The following CRTC1 variants were observed in gnomAD, a reference collection of about 807,000 sequenced individuals.
CRTC1 encodes CREB-regulated transcription coactivator 1.
In CRTC1, 18 loss-of-function variants were observed where a neutral mutation model predicts 66.1. The observed-to-expected ratio is 0.27, with a 90% confidence interval of 0.19 to 0.40. The LOEUF (loss-of-function observed/expected upper bound fraction) is 0.40, where lower values mean the gene tolerates loss of function less well. CRTC1 is among the 10% of genes least tolerant of loss of function. The pLI is 1.00. For missense variants in CRTC1, 669 were observed against 887.9 expected (o/e 0.75, Z 3.13); for synonymous variants, 416 against 398.8 (o/e 1.04, Z -0.51).
rs763396591 is a variant in CRTC1 at position 18,683,729 on chromosome 19, A to G, written c.27A>G (p.Lys9=). The G allele has an allele frequency of 2.1e-6, 3 of 1,397,168 alleles. No individual in the cohort carries two copies. In the East Asian group the frequency reaches 1.0e-4, roughly 47 times the overall value. 86.5% of individuals were successfully genotyped at this position (1,397,168 alleles called of 1,614,324 possible). A position where few individuals can be genotyped will look rare whatever the true frequency, so the allele number is the denominator to read the frequency against. Residue 9 remains lysine, a synonymous_variant, in exon 1 of 14, where the codon AAA becomes AAG. Coordinates refer to ENST00000321949, the MANE Select transcript of CRTC1 (RefSeq NM_015321.3). Reference sequence around the variant, plus strand: ...TGGCGACTTCGAACAATCCGCGGAAATTCAGCGAGAAGATCGCGCTGCACA... The same window carrying G: ...TGGCGACTTCGAACAATCCGCGGAAGTTCAGCGAGAAGATCGCGCTGCACA... MATSNNPR[K]FSEKIALHNQ...
rs548011092 is a variant in CRTC1, at chr19:18,760,547, C to T, written c.886+319C>T. Among the ~76,000 whole-genome samples the T allele has an allele frequency of 1.6e-4, 25 of 152,088 alleles. No homozygotes were observed. Among genetic ancestry groups the T allele is most frequent in the South Asian group, 2.1e-4 (1 of 4,820 alleles). On this transcript the variant is annotated intron_variant, in intron 8 of 13. Transcript: ENST00000321949. The surrounding 1 kb of genome is among the most constrained non-coding windows in gnomAD (Gnocchi z 6.2). ...GCTGGGGTGGGCCAGGCCTTCCCTC[C>T]GCCCCTCCTCGACCCCAGCCCCTCA... is the stretch of plus-strand genomic sequence containing the variant.
chr19:18,745,627 C>T (rs1462963709), intron 2 of CRTC1, among the ~76,000 whole-genome samples, 196 bp from the exon 3 acceptor site: 1 of 152,188 alleles, frequency 6.6e-6, no homozygotes, highest in South Asian at 2.1e-4. Context: ...CTCACACCCC[C>T]TCCCTACCCC....
In CRTC1 at chr19:18,771,228, C is replaced by T. The variant is rs763934389; in HGVS notation, c.1321-214C>T. On this transcript the variant is annotated intron_variant, in intron 10 of 13. Coordinates refer to ENST00000321949, the MANE Select transcript of CRTC1 (RefSeq NM_015321.3). The surrounding 1 kb of genome is among the most constrained non-coding windows in gnomAD (Gnocchi z 4.6). ...TATTCACCCTCCACGCCGTTCCTTC[C>T]TGGGTTCGGGGGCAGCTCCCCGGAG... Among the ~76,000 whole-genome samples, 5 of 112,798 alleles carry T rather than the reference C, an allele frequency of 4.4e-5. No homozygotes were observed. The highest frequency in any genetic ancestry group is 7.2e-5 in the Non-Finnish European group (4 of 55,440). The allele number at this position is 112,798 out of a possible 152,430, so 74.0% of individuals were successfully genotyped here. A position where few individuals can be genotyped will look rare whatever the true frequency, so the allele number is the denominator to read the frequency against.
intron 1 of CRTC1, among the ~76,000 whole-genome samples, chr19:18,733,374 A>G (rs918979260): frequency 2.0e-5 from 3 of 152,238 alleles, no homozygotes; most frequent in African/African-American, 4.8e-5. Context: ...GCCGCCACCT[A>G]CAAGAGAAAC....
chr19:18,747,185 A>C, intron 4 of CRTC1, 71 bp downstream of exon 4: 2 of 1,102,550 alleles, frequency 1.8e-6, no homozygotes, highest in Non-Finnish European at 1.3e-6. Context: ...TCATGGTTAC[A>C]TGTGGAAAAG....
intron 1 of CRTC1, among the ~76,000 whole-genome samples, chr19:18,684,656 G>A (rs2052645094): frequency 6.6e-6 from 1 of 152,118 alleles, no homozygotes; most frequent in South Asian, 2.1e-4. Flanking sequence ...TGGAACAGGG[G>A]ATGCTGACCA....
At chr19:18,693,498 T>TTTTTTTTTTTTTTTTTTC (rs1158706725) in intron 1 of CRTC1, among the ~76,000 whole-genome samples, 1 of 151,274 alleles carries the variant, frequency 6.6e-6, no homozygotes, top group Non-Finnish European at 1.5e-5. Context: ...TTTTTTTTTT[T>TTTTTTTTTTTTTTTTTTC]TGAAACAGAG....
intron 4 of CRTC1, among the ~76,000 whole-genome samples, chr19:18,747,328 C>CA (rs199625555): frequency 0.017 from 2,581 of 150,870 alleles, 45 homozygotes; most frequent in East Asian, 0.047. Context: ...CCACTTATGA[C>CA]AAAAAAAAAG....
At chr19:18,725,608 G>A (rs777276037) in intron 1 of CRTC1, among the ~76,000 whole-genome samples, 1 of 152,216 alleles carries the variant, frequency 6.6e-6, no homozygotes, top group Non-Finnish European at 1.5e-5. Context: ...GGCTGGACCT[G>A]GCTTGGCCAC....
chr19:18,705,524 C>T (rs550136420), intron 1 of CRTC1, among the ~76,000 whole-genome samples: 11 of 152,144 alleles, frequency 7.2e-5, no homozygotes, highest in East Asian at 5.8e-4. Flanking sequence ...TCACCATGTT[C>T]GCCAGGCTGG....
chr19:18,700,511 TA>T (rs970019630), intron 1 of CRTC1, among the ~76,000 whole-genome samples: 1 of 151,478 alleles, frequency 6.6e-6, no homozygotes, highest in Non-Finnish European at 1.5e-5. Flanking sequence ...TTTTTTTAAA[TA>T]AAAAAAATGA....
chr19:18,739,154 C>T (rs955595718), intron 1 of CRTC1, among the ~76,000 whole-genome samples: 6 of 152,236 alleles, frequency 3.9e-5, no homozygotes, highest in African/African-American at 9.6e-5. Flanking sequence ...TCCTACCGGA[C>T]GCCTTCTCCA....
At chr19:18,697,671 C>T (rs28379803) in intron 1 of CRTC1, among the ~76,000 whole-genome samples, 4,672 of 152,276 alleles carry the variant, frequency 0.031, 255 homozygotes, top group African/African-American at 0.11. Flanking sequence ...TGGTCTCTGC[C>T]TCATTGGATC....
At chr19:18,688,807 T>C (rs1057104124) in intron 1 of CRTC1, among the ~76,000 whole-genome samples, 4 of 152,092 alleles carry the variant, frequency 2.6e-5, no homozygotes, top group African/African-American at 7.2e-5. Context: ...TGGCTTTTAG[T>C]ATATTCACAT....
chr19:18,686,301 C>G (rs908563719), intron 1 of CRTC1, among the ~76,000 whole-genome samples: 1 of 152,156 alleles, frequency 6.6e-6, no homozygotes, highest in South Asian at 2.1e-4. Flanking sequence ...AAGTAATATT[C>G]CGTTGTATGG....
rs550046021 is a variant in CRTC1 at position 18,753,255 on chromosome 19, G to A, written c.539-245G>A. On this transcript the variant is annotated intron_variant, in intron 5 of 13. Transcript: ENST00000321949. The stretch of plus-strand genomic sequence containing the variant: ...TGTGCCACTGCACTCCAGCCTGGGC[G>A]ACAGAGCGAGACTCCGTCTCTAAAT... Among the ~76,000 whole-genome samples the A allele has an allele frequency of 3.3e-5, 5 of 150,898 alleles. No individual in the cohort carries two copies. The East Asian group carries it at 6.1e-4, about 18-fold the overall frequency.
rs757507816 is a variant in CRTC1, at chr19:18,768,630, C to T, written c.1157C>T (p.Pro386Leu). Reference sequence around the variant, plus strand: ...CAGCAGCCACCACCCCCGCCACCCCCACAGGCGCCCGTCCGCCTGCCCCCT... The same window carrying T: ...CAGCAGCCACCACCCCCGCCACCCCTACAGGCGCCCGTCCGCCTGCCCCCT... The part of the protein sequence containing the change: ...ASQQPPPPPP[P>L]QAPVRLPPGG... The change falls in exon 10 of 14, where the codon CCA becomes CTA. Residue 386 changes from proline (P) to leucine (L), a missense_variant. By Grantham distance (98) the Pro-to-Leu change is moderately conservative. Coordinates refer to ENST00000321949, the MANE Select transcript of CRTC1 (RefSeq NM_015321.3). The surrounding 1 kb of genome is among the most constrained non-coding windows in gnomAD (Gnocchi z 5.6). The T allele has an allele frequency of 6.6e-7, 1 of 1,514,098 alleles. No homozygotes were observed. The highest frequency in any genetic ancestry group is 2.5e-5 in the East Asian group (1 of 40,494). The allele number at this position is 1,514,098 out of a possible 1,614,324, so 93.8% of individuals were successfully genotyped here. A position where few individuals can be genotyped will look rare whatever the true frequency, so the allele number is the denominator to read the frequency against.
rs2055041027 is a variant in CRTC1 at position 18,778,369 on chromosome 19, A to C, written c.*987A>C. On this transcript the variant is annotated 3_prime_UTR_variant, in exon 14 of 14. Transcript: ENST00000321949. ...TCTTTTAAGCCAACACTTGCCTGAG[A>C]GCATGTTTTTATTTCAGAAATCCAA... 4.3e-6 allele frequency: 1 copy of C among 232,534 alleles called. No homozygotes were observed. The highest frequency in any genetic ancestry group is 8.5e-6 in the Non-Finnish European group (1 of 117,652). 14.4% of individuals were successfully genotyped at this position (232,534 alleles called of 1,614,324 possible). A position where few individuals can be genotyped will look rare whatever the true frequency, so the allele number is the denominator to read the frequency against.
chr19:18,693,772 T>G (rs8102711), intron 1 of CRTC1, among the ~76,000 whole-genome samples: 148,825 of 151,882 alleles, frequency 0.98, 72,989 homozygotes, highest in Middle Eastern at 1. Context: ...GAGCCACCAT[T>G]CCCGGCCCGC....
Sources: allele counts gnomAD v4.1 joint callset (sites outside exome capture counted in the v4.1 genomes callset), GRCh38; gene constraint gnomAD v4.1.1; non-coding constraint Gnocchi (gnomAD v3.1); transcripts MANE v1.5; gene names NCBI Gene and HGNC (gene_info 2026-07-23, HGNC 2026-07-21).